NF1: variants seen among roughly 807,000 people sequenced by gnomAD.
NF1 encodes neurofibromin 1.
In NF1, 122 loss-of-function variants were observed where a neutral mutation model predicts 325.7. The observed-to-expected ratio is 0.37, with a 90% CI of 0.32 to 0.44. The LOEUF is 0.44. Among genes scored for constraint, NF1 ranks in the 20% least tolerant of loss-of-function variants. The probability of loss-of-function intolerance (pLI) is 1.00; values close to 1 mark genes in which losing one functional copy is unlikely to be tolerated. For synonymous variants in NF1, 1,091 were observed against 1,186.0 expected, an observed-to-expected ratio of 0.92 and a Z score of 1.65; for missense variants, 2,140 against 3,415.4, an observed-to-expected ratio of 0.63 and a Z score of 9.31.
rs78644919 is a variant in NF1 at position 31,371,499 on chromosome 17, A to G, written c.8378-2514A>G. Among the ~76,000 whole-genome samples, 1,444 of 152,314 alleles carry G rather than the reference A, an allele frequency of 9.5e-3. 22 individuals carry two copies. The highest frequency in any genetic ancestry group is 0.033 in the African/African-American group (1,359 of 41,568). On this transcript the variant is annotated intron_variant, in intron 57 of 57. Transcript: ENST00000358273. ...CAGAGATCATGAGCAGCTTTCTTTC[A>G]GTTTTGTTATTTCTTTTGTAAATAG...
chr17:31,105,203 GTGGCTTTTGAGCCACTGACTATATCAT>G (rs1912746490), intron 1 of NF1, among the ~76,000 whole-genome samples: 1 of 152,166 alleles, frequency 6.6e-6, no homozygotes, highest in Non-Finnish European at 1.5e-5. Flanking sequence ...TGGGTCCTGA[GTGGCTTTTGAGCCACTGACTATATCAT>G]CAAAAAGCTT....
intron 35 of NF1, among the ~76,000 whole-genome samples, chr17:31,264,922 G>T (rs2067759001): frequency 6.6e-6 from 1 of 152,080 alleles, no homozygotes; most frequent in South Asian, 2.1e-4. Flanking sequence ...AGAAAAGATT[G>T]ATAAAATGAA....
chr17:31,223,652 T>C, intron 16 of NF1, 85 bp downstream of exon 16: 1 of 1,347,604 alleles, frequency 7.4e-7, no homozygotes, highest in Non-Finnish European at 1.1e-6. Context: ...ATAGCCAAAT[T>C]AGGTTCTATT....
chr17:31,232,276 C>A, intron 25 of NF1, 87 bp downstream of exon 25: 2 of 823,090 alleles, frequency 2.4e-6, no homozygotes, highest in Non-Finnish European at 4.3e-6. Flanking sequence ...ATACCCATGA[C>A]AGGACTAGGA....
At position 31,280,516 on chromosome 17, in the gene NF1, CAAAAAAAAAAAAAAAA is replaced by C. The variant is rs57193583; in HGVS notation, c.4835+15186_4835+15201del. On this transcript the variant is annotated intron_variant, in intron 36 of 57. Coordinates refer to ENST00000358273, the MANE Select transcript of NF1 (RefSeq NM_001042492.3). Reference sequence around the variant, plus strand: ...TGAGCGACAGAGTGAGACTCTGTCTCAAAAAAAAAAAAAAAAAAAAAAAAGTAAGAATCATACTTAG... The same window carrying C: ...TGAGCGACAGAGTGAGACTCTGTCTCAAAAAAAAGTAAGAATCATACTTAG... Among the ~76,000 whole-genome samples the C allele has an allele frequency of 6.9e-4, 55 of 79,540 alleles. 1 individual carries two copies. The highest frequency in any genetic ancestry group is 2.7e-5 in the Non-Finnish European group (1 of 36,738). 52.2% of individuals were successfully genotyped at this position (79,540 alleles called of 152,430 possible). A position where few individuals can be genotyped will look rare whatever the true frequency, so the allele number is the denominator to read the frequency against.
intron 1 of NF1, among the ~76,000 whole-genome samples, chr17:31,124,663 G>A (rs1429358413): frequency 3.5e-5 from 5 of 141,374 alleles, no homozygotes; most frequent in South Asian, 2.3e-4. Context: ...GCAGTGGTGC[G>A]AACTCGGCTC....
rs1207580662 is a variant in NF1 at position 31,276,477 on chromosome 17, C to T, written c.4835+11138C>T. Among the ~76,000 whole-genome samples the T allele has an allele frequency of 3.9e-5, 6 of 152,210 alleles. No individual in the cohort carries two copies. In the East Asian group the frequency reaches 1.2e-3, roughly 29 times the overall value. ...ATAATGCACATTCATAATCCCTTGT[C>T]TGTAATCTGAAACCCCAAATCCTCC... On this transcript the variant is annotated intron_variant, in intron 36 of 57. Coordinates refer to ENST00000358273, the MANE Select transcript of NF1 (RefSeq NM_001042492.3).
At chr17:31,186,484 G>T (rs1053321799) in intron 8 of NF1, among the ~76,000 whole-genome samples, 1 of 152,224 alleles carries the variant, frequency 6.6e-6, no homozygotes, top group Non-Finnish European at 1.5e-5. Flanking sequence ...ATGGCCAGAT[G>T]TGCGATTATA....
intron 57 of NF1, among the ~76,000 whole-genome samples, chr17:31,369,266 T>C (rs1392003798): frequency 1.3e-5 from 2 of 152,182 alleles, no homozygotes; most frequent in Non-Finnish European, 2.9e-5. Flanking sequence ...AAGATAGACA[T>C]CTAACTTAAA....
At chr17:31,119,773 A>G (rs564151997) in intron 1 of NF1, among the ~76,000 whole-genome samples, 2 of 152,134 alleles carry the variant, frequency 1.3e-5, no homozygotes, top group East Asian at 3.9e-4. Context: ...ATCAATCTTG[A>G]GTTAATTTTT....
At chr17:31,237,338 C>T (rs1322327574) in intron 29 of NF1, among the ~76,000 whole-genome samples, 1 of 152,016 alleles carries the variant, frequency 6.6e-6, no homozygotes, top group Admixed American at 6.5e-5. Context: ...GCGGTGGCAC[C>T]ATCTCGGCTC....
intron 8 of NF1, among the ~76,000 whole-genome samples, chr17:31,186,135 C>T (rs968469742): frequency 9.2e-5 from 14 of 152,132 alleles, no homozygotes; most frequent in Admixed American, 7.2e-4. Flanking sequence ...GGTACATACA[C>T]GATCGGGCTC....
chr17:31,139,011 C>A (rs1348290815), intron 1 of NF1, among the ~76,000 whole-genome samples: 1 of 151,586 alleles, frequency 6.6e-6, no homozygotes, highest in African/African-American at 2.4e-5. Flanking sequence ...TTCCTTATAC[C>A]TGGTGATTCT....
At position 31,182,630 on chromosome 17, in the gene NF1, T is replaced by G. The variant is rs1555608981; in HGVS notation, c.853T>G (p.Ser285Ala). 3.1e-6 allele frequency: 5 copies of G among 1,613,744 alleles called. No individual in the cohort carries two copies. The highest frequency in any genetic ancestry group is 3.4e-6 in the Non-Finnish European group (4 of 1,179,892). Residue 285 changes from serine (S) to alanine (A), a missense_variant, in exon 8 of 58, where the codon TCC becomes GCC. This residue lies in a region of NF1 where 246 missense variants were observed against 347.8 expected (regional missense o/e 0.71). Coordinates refer to ENST00000358273, the MANE Select transcript of NF1 (RefSeq NM_001042492.3). ...GTGTCCAGAAATAATCCAGGATATA[T>G]CCAAAGACGTGGTTGATGAAAACAA... ...ILCPEIIQDI[S>A]KDVVDENNMN...
At chr17:31,117,671 T>TAAAAAAA (rs1233909144) in intron 1 of NF1, among the ~76,000 whole-genome samples, 1 of 5,210 alleles carries the variant, frequency 1.9e-4, no homozygotes, top group Non-Finnish European at 7.8e-4. Flanking sequence ...AAACTCCATC[T>TAAAAAAA]CAAAAAAAAA....
Position 31,205,902 on chromosome 17 carries a change from TA to T in NF1, c.1261-325del, listed in dbSNP as rs879834365. 2.5e-3 allele frequency among the ~76,000 whole-genome samples: 347 copies of T among 141,478 alleles called. No individual in the cohort carries two copies. The highest frequency in any genetic ancestry group is 3.5e-3 in the Middle Eastern group (1 of 282). 92.8% of individuals were successfully genotyped at this position (141,478 alleles called of 152,430 possible). A position where few individuals can be genotyped will look rare whatever the true frequency, so the allele number is the denominator to read the frequency against. On this transcript the variant is annotated intron_variant, in intron 11 of 57. Coordinates refer to ENST00000358273, the MANE Select transcript of NF1 (RefSeq NM_001042492.3). ...GCCAGAAATTGTAAAACATTAAACT[TA>T]AAAAAAAAAAAAGAAGATTGGCTAC...
At chr17:31,182,353 C>T (rs2066153080) in intron 7 of NF1, among the ~76,000 whole-genome samples, 155 bp from the exon 8 acceptor site, 1 of 152,168 alleles carries the variant, frequency 6.6e-6, no homozygotes, top group Admixed American at 6.5e-5. Context: ...TGCTTGTCTA[C>T]TTACCAGAAT....
chr17:31,212,794 T>G (rs2066751910), intron 12 of NF1, among the ~76,000 whole-genome samples: 1 of 151,978 alleles, frequency 6.6e-6, no homozygotes, highest in Non-Finnish European at 1.5e-5. Flanking sequence ...TAATTGTATG[T>G]GCTATACTTT....
chr17:31,184,570 A>AC (rs1330884103), intron 8 of NF1, among the ~76,000 whole-genome samples: 1 of 148,566 alleles, frequency 6.7e-6, no homozygotes, highest in Non-Finnish European at 1.5e-5. Flanking sequence ...AATGGCGTGA[A>AC]CCCCAGGGGG....
Sources: allele counts gnomAD v4.1 joint callset (sites outside exome capture counted in the v4.1 genomes callset), GRCh38; gene constraint gnomAD v4.1.1; regional missense constraint gnomAD v4.1.1; transcripts MANE v1.5; gene names NCBI Gene and HGNC (gene_info 2026-07-23, HGNC 2026-07-21).